CYFIP1: variants seen among roughly 807,000 people sequenced by gnomAD.
CYFIP1 encodes cytoplasmic FMR1 interacting protein 1, also known as cytoplasmic FMR1-interacting protein 1.
A neutral mutation model predicts 163.5 loss-of-function variants in CYFIP1; 58 were observed. The ratio of observed to expected loss-of-function variants is 0.35; its 90% confidence interval spans 0.29 to 0.44. The LOEUF (loss-of-function observed/expected upper bound fraction) is 0.44, where lower values mean the gene tolerates loss of function less well. Ranked by LOEUF, CYFIP1 falls within the 20% of genes least tolerant of loss-of-function variation. The probability of loss-of-function intolerance (pLI) is 1.00; values close to 1 mark genes in which losing one functional copy is unlikely to be tolerated. For missense variants in CYFIP1, 1,338 were observed against 1,653.8 expected, an observed-to-expected ratio of 0.81 and a Z score of 3.31; for synonymous variants, 663 against 660.7, an observed-to-expected ratio of 1.00 and a Z score of -0.05.
At chr15:22,886,815 T>G (rs1048175118) in intron 23 of CYFIP1, among the ~76,000 whole-genome samples, 4 of 152,180 alleles carry the variant, frequency 2.6e-5, no homozygotes, top group African/African-American at 7.2e-5. Context: ...GATGGTGGTG[T>G]TCAGTTCTTT....
At chr15:22,936,464 C>T (rs1485030287) in intron 9 of CYFIP1, among the ~76,000 whole-genome samples, 3 of 152,266 alleles carry the variant, frequency 2.0e-5, no homozygotes, top group East Asian at 1.9e-4. Context: ...CAATGCTGTA[C>T]GCATCCTCAG....
intron 30 of CYFIP1, among the ~76,000 whole-genome samples, chr15:22,870,453 C>T (rs889668421): frequency 2.6e-5 from 4 of 151,888 alleles, no homozygotes; most frequent in Non-Finnish European, 4.4e-5. Context: ...GGACCACAGG[C>T]GTGTACCACC....
At chr15:22,913,309 A>C (rs1056678107) in intron 17 of CYFIP1, among the ~76,000 whole-genome samples, 2 of 151,554 alleles carry the variant, frequency 1.3e-5, no homozygotes, top group Admixed American at 1.3e-4. Context: ...TGGGCGGATC[A>C]CTTGAGGTCA....
chr15:22,882,408 C>G (rs66694809), intron 24 of CYFIP1, among the ~76,000 whole-genome samples: 18,030 of 152,234 alleles, frequency 0.12, 2,105 homozygotes, highest in East Asian at 0.35. Context: ...GGGTCACGGG[C>G]TGATGGCTGT....
chr15:22,978,350 C>G (rs1201545196), intron 1 of CYFIP1, among the ~76,000 whole-genome samples: 1 of 22,586 alleles, frequency 4.4e-5, no homozygotes, highest in East Asian at 1.5e-3. Context: ...AAGACTCTGT[C>G]ACAAAAAAAA....
chr15:22,955,563 C>T (rs956126410), intron 1 of CYFIP1, among the ~76,000 whole-genome samples: 1 of 60,170 alleles, frequency 1.7e-5, no homozygotes, highest in Non-Finnish European at 3.9e-5. Flanking sequence ...CCTGCTGGCC[C>T]CAGCAGAGCC....
Position 22,947,185 on chromosome 15 carries a change from G to T in CYFIP1, c.101C>A (p.Ser34Tyr), listed in dbSNP as rs369863744. 5.5e-5 allele frequency: 89 copies of T among 1,614,016 alleles called. No individual in the cohort carries two copies. Among genetic ancestry groups the T allele is most frequent in the Non-Finnish European group, 7.0e-5 (83 of 1,179,994 alleles). ...DQQPCIEPPP[S>Y]SLLYQPNFNT... ...GGCACCCACCTGGTAGAGCAGCGAG[G>T]ATGGCGGGGGCTCGATGCAGGGCTG... is the stretch of plus-strand genomic sequence containing the variant. Residue 34 changes from serine to tyrosine, a missense_variant, in exon 2 of 31, where the codon TCC (serine) becomes TAC (tyrosine). This residue lies in a region of CYFIP1 where 186 missense variants were observed against 288.3 expected (regional missense o/e 0.65). Transcript: ENST00000617928.
chr15:22,878,684 A>T (rs2059656843), intron 26 of CYFIP1, among the ~76,000 whole-genome samples: 1 of 151,962 alleles, frequency 6.6e-6, no homozygotes, highest in South Asian at 2.1e-4. Context: ...TAAAAAAAAA[A>T]AAAAGTGCTA....
chr15:22,915,531 A>G (rs1231696612), intron 16 of CYFIP1, among the ~76,000 whole-genome samples: 2 of 152,102 alleles, frequency 1.3e-5, no homozygotes, highest in Admixed American at 6.5e-5. Context: ...CGGGTGGATC[A>G]CAAGGTCAGG....
Position 22,917,523 on chromosome 15 carries a change from C to A in CYFIP1, c.1674+265G>T. ...TGAATACAGACACGTGGACTTGTGC[C>A]CACATTTTTGGGATGGGAGTTGAAA... On this transcript the variant is annotated intron_variant, in intron 15 of 30. Coordinates refer to ENST00000617928, the MANE Select transcript of CYFIP1 (RefSeq NM_014608.6). The surrounding 1 kb of genome is among the most constrained non-coding windows in gnomAD (Gnocchi z 4.2). The A allele has an allele frequency of 1.8e-6, 1 of 554,452 alleles. No homozygotes were observed. The highest frequency in any genetic ancestry group is 2.8e-5 in the South Asian group (1 of 35,632). 34.3% of individuals were successfully genotyped at this position (554,452 alleles called of 1,614,324 possible).
intron 25 of CYFIP1, among the ~76,000 whole-genome samples, chr15:22,881,451 A>T (rs1041377158): frequency 1.2e-4 from 18 of 151,964 alleles, no homozygotes. Context: ...AGGGCCCTGC[A>T]GCTGGACCTG....
rs1239514193 is a variant in CYFIP1, at chr15:22,916,497, G to A, written c.1808C>T (p.Thr603Ile). ...CTTACCACTGAAATTTATCAAGTGA[G>A]TGTAGAAGAATGACTCTCGATGAAA... is the stretch of plus-strand genomic sequence containing the variant. ...EKFHRESFFY[T>I]HLINFSETLQ... Residue 603 changes from threonine to isoleucine, a missense_variant, in exon 16 of 31, where the codon ACT becomes ATT. Physicochemically the swap from Thr to Ile is moderately conservative, Grantham distance 89 (BLOSUM62 -1). Around this residue, in one of 4 missense-constraint regions of CYFIP1, gnomAD observed 824 missense variants for 995.7 expected, o/e 0.83. Transcript: ENST00000617928. The A allele has an allele frequency of 1.9e-6, 3 of 1,611,824 alleles. No individual in the cohort carries two copies. The highest frequency in any genetic ancestry group is 2.7e-5 in the African/African-American group (2 of 74,836).
intron 22 of CYFIP1, among the ~76,000 whole-genome samples, chr15:22,900,039 G>A (rs953053074): frequency 3.3e-5 from 5 of 152,098 alleles, no homozygotes; most frequent in Non-Finnish European, 5.9e-5. Flanking sequence ...ACGAGACTCC[G>A]TCGAAAAAGA....
chr15:22,867,828 T>G lies in CYFIP1; in HGVS notation c.*2200A>C, dbSNP rs1486428800. 1 of 146,988 alleles carries G rather than the reference T, an allele frequency of 6.8e-6. No individual in the cohort carries two copies. Among genetic ancestry groups the G allele is most frequent in the East Asian group, 2.0e-4 (1 of 5,042 alleles). The allele number at this position is 146,988 out of a possible 1,614,324, so 9.1% of individuals were successfully genotyped here. A position where few individuals can be genotyped will look rare whatever the true frequency, so the allele number is the denominator to read the frequency against. Reference sequence around the variant, plus strand: ...TTAAGAGCTCCTTTGGGCCACTACATATTTTGGTTTCTAGAAAATGTTTGT... The same window carrying G: ...TTAAGAGCTCCTTTGGGCCACTACAGATTTTGGTTTCTAGAAAATGTTTGT... On this transcript the variant is annotated 3_prime_UTR_variant, in exon 31 of 31. Coordinates refer to ENST00000617928, the MANE Select transcript of CYFIP1 (RefSeq NM_014608.6).
intron 23 of CYFIP1, among the ~76,000 whole-genome samples, chr15:22,887,558 G>A (rs1302852532): frequency 6.6e-6 from 1 of 152,210 alleles, no homozygotes; most frequent in East Asian, 1.9e-4. Context: ...CGCCCTGACT[G>A]GCTCAGGATG....
chr15:22,904,096 T>C lies in CYFIP1; in HGVS notation c.2389-191A>G, dbSNP rs897050502. 6.0e-5 allele frequency: 37 copies of C among 619,182 alleles called. No individual in the cohort carries two copies. The African/African-American group carries it at 6.1e-4, about 10-fold the overall frequency. 38.4% of individuals were successfully genotyped at this position (619,182 alleles called of 1,614,324 possible). A position where few individuals can be genotyped will look rare whatever the true frequency, so the allele number is the denominator to read the frequency against. ...ACCCCACCTTTTCAGTCACCCCCAC[T>C]GGGTCATGCCTTTCTCCACTGCAGT... On this transcript the variant is annotated intron_variant, in intron 21 of 30. Coordinates refer to ENST00000617928, the MANE Select transcript of CYFIP1 (RefSeq NM_014608.6).
At chr15:22,933,504 C>T (rs957880152) in intron 10 of CYFIP1, among the ~76,000 whole-genome samples, 3 of 151,560 alleles carry the variant, frequency 2.0e-5, no homozygotes, top group Admixed American at 6.6e-5. Context: ...TTAGTAGAGA[C>T]GGGGTTTCAC....
At chr15:22,902,535 G>C (rs1595554393) in intron 22 of CYFIP1, among the ~76,000 whole-genome samples, 1 of 152,212 alleles carries the variant, frequency 6.6e-6, no homozygotes, top group Non-Finnish European at 1.5e-5. Context: ...TATATTACTT[G>C]TGTAAGAATA....
chr15:22,901,560 C>A (rs1779688982), intron 22 of CYFIP1, among the ~76,000 whole-genome samples: 1 of 152,168 alleles, frequency 6.6e-6, no homozygotes, highest in Non-Finnish European at 1.5e-5. Flanking sequence ...GAGGAAATAC[C>A]CTTCTGCCAG....
Sources: gnomAD v4.1 joint callset for allele counts (sites outside exome capture counted in the v4.1 genomes callset) on GRCh38, gnomAD v4.1.1 for gene constraint, gnomAD v4.1.1 regional missense constraint, Gnocchi (gnomAD v3.1) non-coding constraint, MANE v1.5 for transcripts, NCBI Gene and HGNC (gene_info 2026-07-23, HGNC 2026-07-21) for gene names.